NCBP1: variants seen among roughly 807,000 people sequenced by gnomAD.
NCBP1 encodes the protein nuclear cap binding protein subunit 1, also known as nuclear cap-binding protein subunit 1.
A neutral mutation model predicts 111.7 loss-of-function variants in NCBP1; 16 were observed. The observed-to-expected ratio is 0.14, with a 90% CI of 0.10 to 0.22. NCBP1 has a LOEUF of 0.22. Ranked by LOEUF, NCBP1 falls within the 10% of genes least tolerant of loss-of-function variation. NCBP1 has a pLI of 1.00. For missense variants in NCBP1, 607 were observed against 957.5 expected (o/e 0.63, Z 4.83); for synonymous variants, 304 against 314.3 (o/e 0.97, Z 0.35).
At chr9:97,645,445 G>A (rs1467632888) in intron 5 of NCBP1, among the ~76,000 whole-genome samples, 166 bp from the exon 6 acceptor site, 1 of 152,146 alleles carries the variant, frequency 6.6e-6, no homozygotes, top group Non-Finnish European at 1.5e-5. Context: ...AAATGATGCT[G>A]TCTAGTAAGA....
At chr9:97,670,764 G>C (rs1450640898) in intron 22 of NCBP1, among the ~76,000 whole-genome samples, 1 of 152,202 alleles carries the variant, frequency 6.6e-6, no homozygotes, top group African/African-American at 2.4e-5. Flanking sequence ...TGACTGGGGA[G>C]AGAGCTAGCT....
intron 15 of NCBP1, among the ~76,000 whole-genome samples, chr9:97,660,027 G>A (rs115694391): frequency 3.8e-4 from 58 of 152,300 alleles, no homozygotes; most frequent in African/African-American, 1.3e-3. Context: ...CTCAATAGCT[G>A]TAAATATTTT....
In NCBP1 at chr9:97,662,071, A is replaced by G. The variant is rs978439391; in HGVS notation, c.1630A>G (p.Ile544Val). The G allele has an allele frequency of 1.2e-6, 2 of 1,613,736 alleles. No individual in the cohort carries two copies. Among genetic ancestry groups the G allele is most frequent in the Non-Finnish European group, 1.7e-6 (2 of 1,179,774 alleles). ...DEGFSFNPLK[I>V]EVFVQTLLHL... ...AGGATTCAGTTTTAACCCATTGAAA[A>G]TAGAAGTCTTTGTACAGACTCTGCT... The change falls in exon 17 of 23, where the codon ATA (isoleucine) becomes GTA (valine). Residue 544 changes from isoleucine (I) to valine (V), a missense_variant. Transcript: ENST00000375147.
chr9:97,668,065 A>G (rs566882923), intron 20 of NCBP1, among the ~76,000 whole-genome samples: 1 of 152,174 alleles, frequency 6.6e-6, no homozygotes, highest in Non-Finnish European at 1.5e-5. Flanking sequence ...AGATCAGTAG[A>G]TGGGGCCTTA....
At chr9:97,651,507 C>T (rs1237658126) in intron 10 of NCBP1, 134 bp downstream of exon 10, 4 of 806,734 alleles carry the variant, frequency 5.0e-6, no homozygotes, top group Non-Finnish European at 5.4e-6. Flanking sequence ...TTAATAGAAG[C>T]AAGGAAATTG....
intron 14 of NCBP1, 130 bp downstream of exon 14, chr9:97,656,215 A>T: frequency 1.3e-6 from 1 of 766,632 alleles, no homozygotes; most frequent in South Asian, 1.8e-5. Context: ...TTTTTAATCA[A>T]GACTTAGGCT....
intron 2 of NCBP1, among the ~76,000 whole-genome samples, chr9:97,641,217 A>C (rs531289542): frequency 6.6e-6 from 1 of 152,208 alleles, no homozygotes; most frequent in Non-Finnish European, 1.5e-5. Flanking sequence ...GGTAAAATGG[A>C]GCCCATGGTG....
chr9:97,651,837 A>G (rs61221847), intron 10 of NCBP1, among the ~76,000 whole-genome samples: 17,945 of 151,936 alleles, frequency 0.12, 3,004 homozygotes, highest in African/African-American at 0.37. Context: ...ATGAATCATC[A>G]TTTATTCTTA....
rs1338596388 is a variant in NCBP1 at position 97,672,866 on chromosome 9, C to A, written c.*1667C>A. 1 of 153,184 alleles carries A rather than the reference C, an allele frequency of 6.5e-6. No homozygotes were observed. 9.5% of individuals were successfully genotyped at this position (153,184 alleles called of 1,614,324 possible). On this transcript the variant is annotated 3_prime_UTR_variant, in exon 23 of 23. Coordinates refer to ENST00000375147, the MANE Select transcript of NCBP1 (RefSeq NM_002486.5). The stretch of plus-strand genomic sequence containing the variant: ...CATATGGGCTGGGCGCAGTGGCTCA[C>A]GCCTGTAATCCCAGCACTTTGGGAG...
chr9:97,669,844 C>G (rs529293474), intron 22 of NCBP1, 138 bp downstream of exon 22: 12 of 720,326 alleles, frequency 1.7e-5, no homozygotes, highest in Non-Finnish European at 2.3e-5. Context: ...TTTGCTGCTA[C>G]CATTGCTCAT....
chr9:97,659,140 A>C (rs1050937081), intron 15 of NCBP1, among the ~76,000 whole-genome samples: 4 of 152,236 alleles, frequency 2.6e-5, no homozygotes, highest in African/African-American at 9.6e-5. Flanking sequence ...TAAATTCTTA[A>C]TTATGATTTT....
rs1827205933 is a variant in NCBP1, at chr9:97,641,564, T to C, written c.126T>C (p.Ser42=). The change falls in exon 3 of 23, where the codon AGT becomes AGC. Residue 42 remains serine (S), a splice_region_variant and synonymous_variant. Coordinates refer to ENST00000375147, the MANE Select transcript of NCBP1 (RefSeq NM_002486.5). ...ESLICKVGEK[S]ACSLESNLEG... ...ATTTAATGTGATGTCCTCTACAGAG[T>C]GCCTGCTCTTTGGAGAGCAACCTAG... is the stretch of plus-strand genomic sequence containing the variant. The C allele has an allele frequency of 1.2e-6, 2 of 1,607,180 alleles. No homozygotes were observed. The highest frequency in any genetic ancestry group is 3.3e-5 in the Admixed American group (2 of 59,800).
chr9:97,639,155 G>A (rs1827132568), intron 1 of NCBP1, among the ~76,000 whole-genome samples: 1 of 152,126 alleles, frequency 6.6e-6, no homozygotes, highest in Non-Finnish European at 1.5e-5. Context: ...CTCTCATGCT[G>A]CATGCGTATT....
chr9:97,661,538 G>T (rs958867885), intron 16 of NCBP1, among the ~76,000 whole-genome samples: 20 of 152,128 alleles, frequency 1.3e-4, no homozygotes, highest in African/African-American at 4.6e-4. Flanking sequence ...TCAATAAATG[G>T]ATATGCACAT....
At chr9:97,660,628 T>C (rs1827806171) in intron 15 of NCBP1, among the ~76,000 whole-genome samples, 1 of 152,178 alleles carries the variant, frequency 6.6e-6, no homozygotes, top group African/African-American at 2.4e-5. Context: ...TAAAAGACAG[T>C]TTAACTGTGT....
At chr9:97,651,487 G>T in intron 10 of NCBP1, 114 bp downstream of exon 10, 1 of 942,292 alleles carries the variant, frequency 1.1e-6, no homozygotes. Flanking sequence ...TACTTGTCCA[G>T]CATTCAGAAT....
intron 1 of NCBP1, among the ~76,000 whole-genome samples, chr9:97,639,235 A>G (rs1329903676): frequency 3.3e-5 from 5 of 152,166 alleles, no homozygotes; most frequent in Non-Finnish European, 7.4e-5. Flanking sequence ...CATGGTAATT[A>G]ATGGGTTGGG....
In NCBP1 at chr9:97,660,940, G is replaced by A. The variant is rs755277577; in HGVS notation, c.1478-6G>A. 1.2e-6 allele frequency: 2 copies of A among 1,607,638 alleles called. No homozygotes were observed. Among genetic ancestry groups the A allele is most frequent in the African/African-American group, 1.3e-5 (1 of 74,766 alleles). On this transcript the variant is annotated splice_polypyrimidine_tract_variant and splice_region_variant and intron_variant, in intron 15 of 22. Transcript: ENST00000375147. ...TCATTCCCCTTACCCCCAATTCTGT[G>A]TTTAGATTCTCTTCCTGGACATTCT...
At chr9:97,656,961 T>G (rs141125403) in intron 14 of NCBP1, among the ~76,000 whole-genome samples, 4 of 152,216 alleles carry the variant, frequency 2.6e-5, no homozygotes, top group Admixed American at 1.3e-4. Flanking sequence ...TGGAGTGTTT[T>G]TTTTGTTTTG....
Sources: gnomAD v4.1 joint callset for allele counts (sites outside exome capture counted in the v4.1 genomes callset) on GRCh38, gnomAD v4.1.1 for gene constraint, MANE v1.5 for transcripts, NCBI Gene and HGNC (gene_info 2026-07-23, HGNC 2026-07-21) for gene names.